KCNIP4: variants seen among roughly 807,000 people sequenced by gnomAD.
KCNIP4 encodes Kv channel-interacting protein 4.
Under a neutral mutation model 34.0 loss-of-function variants are expected in KCNIP4, and 12 were observed. The observed-to-expected ratio is 0.35, with a 90% CI of 0.23 to 0.57. KCNIP4 has a LOEUF of 0.57. Among genes scored for constraint, KCNIP4 ranks in the 20% least tolerant of loss-of-function variants. KCNIP4 has a pLI of 0.83. For missense variants in KCNIP4, 238 were observed against 311.7 expected, an observed-to-expected ratio of 0.76 and a Z score of 1.78; for synonymous variants, 124 against 102.2, an observed-to-expected ratio of 1.21 and a Z score of -1.29.
chr4:21,411,533 G>A (rs1009198652), intron 1 of KCNIP4, among the ~76,000 whole-genome samples: 2 of 152,144 alleles, frequency 1.3e-5, no homozygotes, highest in Admixed American at 6.5e-5. Context: ...AGTCAGAGTT[G>A]GCCAGGCAAA....
intron 1 of KCNIP4, among the ~76,000 whole-genome samples, chr4:21,103,378 TA>T (rs1159445165): frequency 7.5e-5 from 11 of 146,932 alleles, no homozygotes; most frequent in Non-Finnish European, 1.5e-4. Flanking sequence ...AAGATATATA[TA>T]TTTTATATAT....
In KCNIP4 at chr4:21,519,639, T is replaced by TGTGTGTGTATGTATGTGTATATATACAC. The variant is rs1560480451; in HGVS notation, c.61+428904_61+428931dup. Reference sequence around the variant, plus strand: ...GTGTATGTATGTGTATATACACAAATGTGTGTGTATGTATGTGTATATATA... The same window carrying TGTGTGTGTATGTATGTGTATATATACAC: ...GTGTATGTATGTGTATATACACAAATGTGTGTGTATGTATGTGTATATATACACGTGTGTGTATGTATGTGTATATATA... On this transcript the variant is annotated intron_variant, in intron 1 of 8. Transcript: ENST00000382152. 2.1e-4 allele frequency among the ~76,000 whole-genome samples: 25 copies of TGTGTGTGTATGTATGTGTATATATACAC among 118,104 alleles called. 1 individual carries two copies. Among genetic ancestry groups the TGTGTGTGTATGTATGTGTATATATACAC allele is most frequent in the East Asian group, 1.6e-3 (6 of 3,660 alleles). The allele number at this position is 118,104 out of a possible 152,430, so 77.5% of individuals were successfully genotyped here.
intron 1 of KCNIP4, among the ~76,000 whole-genome samples, chr4:20,986,213 G>A (rs1239480230): frequency 3.3e-5 from 5 of 152,110 alleles, no homozygotes; most frequent in Non-Finnish European, 7.4e-5. Context: ...ATGAAGACCT[G>A]CTGATCATCT....
intron 2 of KCNIP4, among the ~76,000 whole-genome samples, chr4:20,877,945 G>A (rs1724240652): frequency 6.7e-6 from 1 of 149,962 alleles, no homozygotes; most frequent in Admixed American, 6.7e-5. Context: ...CAGGCAAAGG[G>A]CCAGAGCTAA....
At chr4:21,233,730 G>C (rs1758966076) in intron 1 of KCNIP4, among the ~76,000 whole-genome samples, 1 of 149,776 alleles carries the variant, frequency 6.7e-6, no homozygotes, top group Non-Finnish European at 1.5e-5. Flanking sequence ...CCTACCTCTT[G>C]TCACTATGCT....
At chr4:21,143,595 T>C (rs185618276) in intron 1 of KCNIP4, among the ~76,000 whole-genome samples, 6 of 152,316 alleles carry the variant, frequency 3.9e-5, no homozygotes, top group Admixed American at 2.6e-4. Context: ...CATAAATGGG[T>C]ATTGTTTTAA....
At chr4:20,842,455 C>G (rs1333115607) in intron 3 of KCNIP4, among the ~76,000 whole-genome samples, 2 of 151,882 alleles carry the variant, frequency 1.3e-5, no homozygotes, top group Non-Finnish European at 2.9e-5. Context: ...CAAGGCCTGG[C>G]TGATCGTGAA....
intron 1 of KCNIP4, among the ~76,000 whole-genome samples, chr4:21,226,385 A>AGGAAGGAAGGAAGGAAGG (rs1758408104): frequency 6.6e-6 from 1 of 151,206 alleles, no homozygotes; most frequent in African/African-American, 2.4e-5. Context: ...GAAGGAAGGA[A>AGGAAGGAAGGAAGGAAGG]ATAATTCGGT....
intron 1 of KCNIP4, among the ~76,000 whole-genome samples, chr4:21,091,960 T>C (rs184870235): frequency 7.2e-5 from 11 of 152,292 alleles, no homozygotes; most frequent in Non-Finnish European, 7.4e-5. Flanking sequence ...ATTTCTGTTA[T>C]ACTGACAAGG....
chr4:21,056,825 G>A (rs10014400), intron 1 of KCNIP4, among the ~76,000 whole-genome samples: 3,553 of 152,178 alleles, frequency 0.023, 127 homozygotes, highest in African/African-American at 0.08. Flanking sequence ...ATATTGGGAA[G>A]TGGGGCCTTT....
intron 1 of KCNIP4, among the ~76,000 whole-genome samples, chr4:21,021,756 A>G (rs1487973913): frequency 6.6e-6 from 1 of 152,120 alleles, no homozygotes; most frequent in Non-Finnish European, 1.5e-5. Flanking sequence ...TTCTTCTGGA[A>G]GACCTCCTGA....
At chr4:21,840,268 T>A (rs1301751052) in intron 1 of KCNIP4, among the ~76,000 whole-genome samples, 1 of 151,326 alleles carries the variant, frequency 6.6e-6, no homozygotes, top group Non-Finnish European at 1.5e-5. Flanking sequence ...CGGTGATGGG[T>A]CTCCATAGAA....
intron 1 of KCNIP4, among the ~76,000 whole-genome samples, chr4:21,707,348 G>A (rs766854076): frequency 3.9e-5 from 6 of 152,020 alleles, no homozygotes; most frequent in Non-Finnish European, 8.8e-5. Flanking sequence ...GCTTTAAAAA[G>A]TAAAACAAAA....
chr4:20,945,914 C>T (rs538029580), intron 1 of KCNIP4, among the ~76,000 whole-genome samples: 2 of 151,898 alleles, frequency 1.3e-5, no homozygotes, highest in Non-Finnish European at 2.9e-5. Context: ...ATGGCAGTCG[C>T]TCAAATCAAC....
At chr4:21,807,856 C>G (rs532382972) in intron 1 of KCNIP4, among the ~76,000 whole-genome samples, 15 of 152,192 alleles carry the variant, frequency 9.9e-5, no homozygotes, top group South Asian at 4.2e-4. Flanking sequence ...CAAATTGAAG[C>G]CTTTCTTCAA....
chr4:21,354,479 A>C (rs1050742221), intron 1 of KCNIP4, among the ~76,000 whole-genome samples: 1 of 151,302 alleles, frequency 6.6e-6, no homozygotes, highest in Non-Finnish European at 1.5e-5. Context: ...AGAAAGCAAA[A>C]AAAGCATGGG....
At chr4:21,391,425 G>C (rs1722548903) in intron 1 of KCNIP4, among the ~76,000 whole-genome samples, 2 of 152,044 alleles carry the variant, frequency 1.3e-5, no homozygotes, top group South Asian at 4.1e-4. Context: ...TTTGATGCTA[G>C]GTGGCCACCT....
chr4:20,914,527 C>T (rs1392397015), intron 1 of KCNIP4, among the ~76,000 whole-genome samples: 1 of 152,092 alleles, frequency 6.6e-6, no homozygotes, highest in Admixed American at 6.5e-5. Context: ...AAATAAATTT[C>T]TGTTGTTTAT....
At chr4:21,597,363 A>G (rs957775047) in intron 1 of KCNIP4, among the ~76,000 whole-genome samples, 7 of 152,066 alleles carry the variant, frequency 4.6e-5, no homozygotes, top group African/African-American at 1.7e-4. Flanking sequence ...ATGCAACTAT[A>G]AGTCTATTAA....
Sources: gnomAD v4.1 joint callset for allele counts (sites outside exome capture counted in the v4.1 genomes callset) on GRCh38, gnomAD v4.1.1 for gene constraint, MANE v1.5 for transcripts, NCBI Gene and HGNC (gene_info 2026-07-23, HGNC 2026-07-21) for gene names.